The following PCID2 variants were observed in gnomAD, a reference collection of about 807,000 sequenced individuals.
The protein encoded by PCID2 is PCI domain-containing protein 2.
PCID2 carries 41 observed loss-of-function variants against 61.3 expected under a neutral mutation model. The ratio of observed to expected loss-of-function variants is 0.67; its 90% CI spans 0.52 to 0.87. The LOEUF is 0.87. Among genes scored for constraint, PCID2 ranks in the 40% least tolerant of loss-of-function variants. The pLI is 0.00. For missense variants in PCID2, 392 were observed against 493.4 expected (o/e 0.79, Z 1.95); for synonymous variants, 187 against 177.8 (o/e 1.05, Z -0.41).
At chr13:113,206,745 T>A (rs186777457) in intron 1 of PCID2, among the ~76,000 whole-genome samples, 1 of 152,340 alleles carries the variant, frequency 6.6e-6, no homozygotes, top group East Asian at 1.9e-4. Flanking sequence ...TTTTTATCCA[T>A]CAGAATTAGG....
intron 5 of PCID2, 136 bp downstream of exon 5, chr13:113,196,045 T>C (rs1246985114): frequency 1.5e-6 from 1 of 651,538 alleles, no homozygotes; most frequent in East Asian, 2.5e-5. Context: ...TGTGTAGATA[T>C]TACCATATGT....
intron 6 of PCID2, among the ~76,000 whole-genome samples, chr13:113,193,986 T>C (rs1189652143): frequency 6.6e-6 from 1 of 152,210 alleles, no homozygotes; most frequent in African/African-American, 2.4e-5. Context: ...AGGCACTACC[T>C]GACGAGACTA....
chr13:113,207,894 A>G (rs1332501404), intron 1 of PCID2: 1 of 838,390 alleles, frequency 1.2e-6, no homozygotes, highest in Non-Finnish European at 2.0e-6. Context: ...AATATTTTAA[A>G]AATCCATTCC....
At chr13:113,198,352 C>A in intron 2 of PCID2, 88 bp from the exon 3 acceptor site, 1 of 806,746 alleles carries the variant, frequency 1.2e-6, no homozygotes, top group Non-Finnish European at 2.0e-6. Context: ...ACCTCTGTTT[C>A]AAGAGAATTT....
downstream of PCID2, among the ~76,000 whole-genome samples, chr13:113,172,955 G>T (rs1037897861): frequency 1.3e-5 from 2 of 152,146 alleles, no homozygotes; most frequent in African/African-American, 4.8e-5. Context: ...TCCAAAATTG[G>T]AACTTACCCC....
chr13:113,178,168 GCTCACCCGTC>G lies in PCID2; in HGVS notation c.*20_*29del, dbSNP rs1246589455. 22 of 1,548,274 alleles carry G rather than the reference GCTCACCCGTC, an allele frequency of 1.4e-5. No individual in the cohort carries two copies. Among genetic ancestry groups the G allele is most frequent in the Non-Finnish European group, 2.0e-5 (22 of 1,120,928 alleles). On this transcript the variant is annotated 3_prime_UTR_variant, in exon 14 of 14. Transcript: ENST00000337344. ...ACAACCAAAGTGGAAAGAAACAACTGCTCACCCGTCCTCGGGGCTCCGTGTACTTTCAACA... is the reference window on the plus strand; with the variant it reads ...ACAACCAAAGTGGAAAGAAACAACTGCTCGGGGCTCCGTGTACTTTCAACA...
At chr13:113,198,348 G>C (rs930463152) in intron 2 of PCID2, 84 bp from the exon 3 acceptor site, 3 of 811,678 alleles carry the variant, frequency 3.7e-6, no homozygotes, top group Non-Finnish European at 6.1e-6. Flanking sequence ...TTAAACCTCT[G>C]TTTCAAGAGA....
At chr13:113,195,027 C>A in intron 6 of PCID2, 44 bp downstream of exon 6, 2 of 1,329,532 alleles carry the variant, frequency 1.5e-6, no homozygotes, top group Non-Finnish European at 1.1e-6. Context: ...AGATAGTCAC[C>A]AAGTTTTAGT....
At chr13:113,185,402 G>A (rs541956904) in intron 8 of PCID2, 83 bp downstream of exon 8, 27 of 930,210 alleles carry the variant, frequency 2.9e-5, no homozygotes, top group African/African-American at 2.4e-4. Context: ...CGCCAGGGAG[G>A]CTAGCTGATA....
chr13:113,208,272 G>T, intron 1 of PCID2: 1 of 1,440,528 alleles, frequency 6.9e-7, no homozygotes, highest in South Asian at 1.4e-5. Flanking sequence ...TGGCCCGCAG[G>T]CCCTTCGGAC....
At chr13:113,190,729 G>T in intron 7 of PCID2, 143 bp downstream of exon 7, 1 of 461,220 alleles carries the variant, frequency 2.2e-6, no homozygotes, top group Non-Finnish European at 3.8e-6. Flanking sequence ...ACTTTTTAAA[G>T]CAAAAATAAC....
Position 113,198,251 on chromosome 13 carries a change from T to C in PCID2, c.140A>G (p.Glu47Gly). Residue 47 changes from glutamate (E) to glycine (G), a missense_variant, in exon 3 of 14, where the codon GAG (glutamate) becomes GGG (glycine). Around this residue, in one of 3 missense-constraint regions of PCID2, gnomAD observed 155 missense variants for 164.9 expected, o/e 0.94. Coordinates refer to ENST00000337344, the MANE Select transcript of PCID2 (RefSeq NM_001127202.4). ...ANPRLQMASP[E>G]EKCQQVLEPP... ...TTCCAAGACTTGTTGACACTTCTCC[T>C]CTGGAGAGGCCATCTGATTTTAAAA... is the stretch of plus-strand genomic sequence containing the variant. The C allele has an allele frequency of 6.2e-7, 1 of 1,603,260 alleles. No homozygotes were observed. Among genetic ancestry groups the C allele is most frequent in the Non-Finnish European group, 8.5e-7 (1 of 1,174,004 alleles).
intron 6 of PCID2, 142 bp from the exon 7 acceptor site, chr13:113,191,117 TGAG>T (rs2038581161): frequency 2.1e-6 from 1 of 480,342 alleles, no homozygotes; most frequent in South Asian, 4.6e-5. Context: ...CTCAGCCTCC[TGAG>T]GAGCTGGAAC....
chr13:113,194,848 C>T (rs2038891069), intron 6 of PCID2, among the ~76,000 whole-genome samples: 1 of 152,204 alleles, frequency 6.6e-6, no homozygotes, highest in Admixed American at 6.5e-5. Flanking sequence ...AATGGAACCT[C>T]TCCCTCTATA....
At position 113,179,215 on chromosome 13, in the gene PCID2, A is replaced by G; in HGVS notation, c.987-126T>C. ...AAAAAAATTCCCACCTATTAGATAA[A>G]CTCTAAACTACACTCTCAGAGCTAT... On this transcript the variant is annotated intron_variant, in intron 12 of 13. Transcript: ENST00000337344. This position sits in a 1 kb window ranked among gnomAD's most constrained non-coding sequence, Gnocchi z 4.3. 2 of 630,388 alleles carry G rather than the reference A, an allele frequency of 3.2e-6. No individual in the cohort carries two copies. The highest frequency in any genetic ancestry group is 2.9e-5 in the East Asian group (1 of 34,556). The allele number at this position is 630,388 out of a possible 1,614,324, so 39.0% of individuals were successfully genotyped here. A position where few individuals can be genotyped will look rare whatever the true frequency, so the allele number is the denominator to read the frequency against.
At chr13:113,184,034 A>T in intron 9 of PCID2, 1 of 983,654 alleles carries the variant, frequency 1.0e-6, no homozygotes, top group Non-Finnish European at 1.2e-6. Context: ...AGCATCTATT[A>T]CAGGGTCAAA....
intron 8 of PCID2, among the ~76,000 whole-genome samples, 184 bp downstream of exon 8, chr13:113,185,301 A>G (rs972183103): frequency 6.6e-6 from 1 of 152,256 alleles, no homozygotes; most frequent in Non-Finnish European, 1.5e-5. Flanking sequence ...ACATTTGTAA[A>G]GCATTCAGAA....
chr13:113,180,170 G>C lies in PCID2; in HGVS notation c.848C>G (p.Thr283Ser), dbSNP rs1426640747. The C allele has an allele frequency of 6.2e-7, 1 of 1,613,834 alleles. No individual in the cohort carries two copies. Among genetic ancestry groups the C allele is most frequent in the Non-Finnish European group, 8.5e-7 (1 of 1,179,816 alleles). ...KYHLMQFAEV[T>S]RAVSEGNLLL... ...TGGCATACTCTACCTCACAGCTCTG[G>C]TTACTTCCGCAAACTGCATCAGGTG... Residue 283 changes from threonine to serine, a missense_variant, in exon 11 of 14, where the codon ACC (threonine) becomes AGC (serine). Physicochemically the swap from Thr to Ser is moderately conservative, Grantham distance 58 (BLOSUM62 1). Transcript: ENST00000337344.
chr13:113,196,594 T>C (rs2039033166), intron 4 of PCID2, among the ~76,000 whole-genome samples: 1 of 152,250 alleles, frequency 6.6e-6, no homozygotes, highest in Admixed American at 6.5e-5. Flanking sequence ...TCTAGAATTC[T>C]TGAATTCTAA....
Sources: allele counts gnomAD v4.1 joint callset (sites outside exome capture counted in the v4.1 genomes callset), GRCh38; gene constraint gnomAD v4.1.1; regional missense constraint gnomAD v4.1.1; non-coding constraint Gnocchi (gnomAD v3.1); transcripts MANE v1.5; gene names NCBI Gene and HGNC (gene_info 2026-07-23, HGNC 2026-07-21).